Variants in XDH observed in about 807,000 individuals in gnomAD.
XDH encodes xanthine dehydrogenase, also known as xanthine dehydrogenase/oxidase.
In XDH, 138 loss-of-function variants were observed where a neutral mutation model predicts 156.1. That is an observed-to-expected ratio of 0.88 (90% CI 0.77 to 1.02). The LOEUF is 1.02. Among genes scored for constraint, XDH ranks in the 50% least tolerant of loss-of-function variants. XDH has a pLI of 0.00. For synonymous variants in XDH, 669 were observed against 625.7 expected (o/e 1.07, Z -1.03); for missense variants, 1,849 against 1,684.9 (o/e 1.10, Z -1.71).
At chr2:31,404,192 G>C (rs549993296) in intron 2 of XDH, among the ~76,000 whole-genome samples, 3 of 152,122 alleles carry the variant, frequency 2.0e-5, no homozygotes, top group African/African-American at 7.2e-5. Flanking sequence ...CTCCAGACTG[G>C]GTGAGCTCCC....
At chr2:31,364,524 C>T (rs1336024134) in intron 23 of XDH, among the ~76,000 whole-genome samples, 3 of 151,772 alleles carry the variant, frequency 2.0e-5, no homozygotes, top group Admixed American at 6.6e-5. Context: ...CTTCTGGTCT[C>T]GGAGGGGAGT....
chr2:31,372,164 T>C lies in XDH; in HGVS notation c.1856+64A>G, dbSNP rs1305518611. 5 of 1,612,164 alleles carry C rather than the reference T, an allele frequency of 3.1e-6. No individual in the cohort carries two copies. The South Asian group carries it at 3.3e-5, about 11-fold the overall frequency. On this transcript the variant is annotated intron_variant, in intron 17 of 35. Transcript: ENST00000379416. The stretch of plus-strand genomic sequence containing the variant: ...ATGGCCTAGCAGGGTGAGAGAAGTC[T>C]CCTGGGTACTCCCAGTGGCCCCCTC...
intron 24 of XDH, among the ~76,000 whole-genome samples, chr2:31,358,970 C>T (rs750812712): frequency 6.6e-6 from 1 of 151,952 alleles, no homozygotes; most frequent in Non-Finnish European, 1.5e-5. Context: ...AAAAACCATC[C>T]CTATTTGCAG....
chr2:31,401,336 C>G lies in XDH; in HGVS notation c.198-8G>C. Reference sequence around the variant, plus strand: ...GCATTGGCAGAAAAGTGGCTAGAACCCCAGATTAAGGTCATTCCATTTATT... The same window carrying G: ...GCATTGGCAGAAAAGTGGCTAGAACGCCAGATTAAGGTCATTCCATTTATT... On this transcript the variant is annotated splice_polypyrimidine_tract_variant and splice_region_variant and intron_variant, in intron 3 of 35. Coordinates refer to ENST00000379416, the MANE Select transcript of XDH (RefSeq NM_000379.4). The G allele has an allele frequency of 6.2e-7, 1 of 1,613,930 alleles. No individual in the cohort carries two copies. Among genetic ancestry groups the G allele is most frequent in the South Asian group, 1.1e-5 (1 of 91,024 alleles).
At chr2:31,401,970 C>T (rs494852) in intron 3 of XDH, among the ~76,000 whole-genome samples, 31,004 of 152,132 alleles carry the variant, frequency 0.2, 3,519 homozygotes, top group African/African-American at 0.28. Flanking sequence ...TGCCCTTCAA[C>T]AGACTGCAGT....
intron 13 of XDH, among the ~76,000 whole-genome samples, chr2:31,377,970 G>A (rs555553110): frequency 2.1e-4 from 31 of 150,892 alleles, no homozygotes; most frequent in Middle Eastern, 3.4e-3. Context: ...ACACTGAGCC[G>A]TGATCATGCC....
At chr2:31,355,151 GAACTGTT>G (rs1558682778) in intron 24 of XDH, among the ~76,000 whole-genome samples, 1 of 152,122 alleles carries the variant, frequency 6.6e-6, no homozygotes, top group African/African-American at 2.4e-5. Flanking sequence ...TGAAAGAAAC[GAACTGTT>G]AACTCAAAAC....
intron 4 of XDH, 34 bp downstream of exon 4, chr2:31,401,186 A>T: frequency 6.2e-7 from 1 of 1,611,080 alleles, no homozygotes; most frequent in South Asian, 1.1e-5. Context: ...AAAGAGCCTG[A>T]TCTCAAGAGC....
rs1018749652 is a variant in XDH at position 31,334,477 on chromosome 2, A to C, written c.*1481T>G. The C allele has an allele frequency of 6.6e-6, 1 of 152,132 alleles. No individual in the cohort carries two copies. The highest frequency in any genetic ancestry group is 1.5e-5 in the Non-Finnish European group (1 of 68,010). 9.4% of individuals were successfully genotyped at this position (152,132 alleles called of 1,614,324 possible). A position where few individuals can be genotyped will look rare whatever the true frequency, so the allele number is the denominator to read the frequency against. On this transcript the variant is annotated 3_prime_UTR_variant, in exon 36 of 36. Transcript: ENST00000379416. ...GACAGTGACACATTGTCCACCCAGC[A>C]CCATGTAGGGATTAAATCACCATTT...
intron 18 of XDH, 65 bp downstream of exon 18, chr2:31,370,290 A>C: frequency 6.4e-7 from 1 of 1,573,140 alleles, no homozygotes; most frequent in Non-Finnish European, 8.7e-7. Flanking sequence ...GTTTGGAGCA[A>C]TGTACACAAA....
intron 24 of XDH, among the ~76,000 whole-genome samples, chr2:31,350,601 C>G (rs1685446981): frequency 1.3e-5 from 2 of 152,032 alleles, no homozygotes; most frequent in Non-Finnish European, 2.9e-5. Context: ...GTCTCGATCT[C>G]CTGACCTCGT....
At chr2:31,338,474 A>T (rs1308193254) in intron 34 of XDH, among the ~76,000 whole-genome samples, 1 of 152,136 alleles carries the variant, frequency 6.6e-6, no homozygotes, top group Non-Finnish European at 1.5e-5. Flanking sequence ...ATTCCCAAGC[A>T]TGGTAAAGTA....
chr2:31,350,034 C>T lies in XDH; in HGVS notation c.2821G>A (p.Glu941Lys). The change falls in exon 25 of 36, where the codon GAG (glutamate) becomes AAG (lysine). Residue 941 changes from glutamate (E) to lysine (K), a missense_variant and splice_region_variant. Glu to Lys is a moderately conservative substitution (Grantham distance 56). Transcript: ENST00000379416. ...VAVTCGMPAE[E>K]VRRKNLYKEG... Reference sequence around the variant, plus strand: ...GTGCTACCAAATTCTCAGCTTACCTCCTCTGCAGGCATCCCACAGGTCACT... The same window carrying T: ...GTGCTACCAAATTCTCAGCTTACCTTCTCTGCAGGCATCCCACAGGTCACT... 2.5e-6 allele frequency: 4 copies of T among 1,614,024 alleles called. No homozygotes were observed. The highest frequency in any genetic ancestry group is 2.2e-5 in the East Asian group (1 of 44,888).
rs539411387 is a variant in XDH at position 31,394,761 on chromosome 2, A to C, written c.495+2907T>G. 4.9e-4 allele frequency among the ~76,000 whole-genome samples: 74 copies of C among 151,696 alleles called. 1 individual carries two copies. Among genetic ancestry groups the C allele is most frequent in the Non-Finnish European group, 5.9e-5 (4 of 67,922 alleles). ...CCTTTTCTCTGTTTTTTGGTTTTGAAAGTTTGCATTGTCATATCCTCAAGC... is the reference window on the plus strand; with the variant it reads ...CCTTTTCTCTGTTTTTTGGTTTTGACAGTTTGCATTGTCATATCCTCAAGC... On this transcript the variant is annotated intron_variant, in intron 6 of 35. Transcript: ENST00000379416.
At chr2:31,405,419 CCT>C (rs145020768) in intron 2 of XDH, among the ~76,000 whole-genome samples, 17 of 152,260 alleles carry the variant, frequency 1.1e-4, no homozygotes, top group African/African-American at 3.6e-4. Flanking sequence ...TCCAGGGCTC[CCT>C]GTTTGCTGTT....
At chr2:31,357,316 T>C (rs1325388580) in intron 24 of XDH, among the ~76,000 whole-genome samples, 1 of 151,904 alleles carries the variant, frequency 6.6e-6, no homozygotes, top group Non-Finnish European at 1.5e-5. Flanking sequence ...CCCGGGTCTT[T>C]AAAAAGAGCA....
chr2:31,365,541 G>T lies in XDH; in HGVS notation c.2460C>A (p.Thr820=). The part of the protein sequence containing the change: ...STAVALAAYK[T]GRPVRCMLDR... ...CCAGCATGCATCGCACAGGGCGGCC[G>T]GTCCTGGGGGTTACCGACAGTGTTA... The change falls in exon 23 of 36, where the codon ACC becomes ACA. Residue 820 remains threonine, a synonymous_variant. Transcript: ENST00000379416. 2 of 1,614,126 alleles carry T rather than the reference G, an allele frequency of 1.2e-6. No individual in the cohort carries two copies. The highest frequency in any genetic ancestry group is 1.7e-6 in the Non-Finnish European group (2 of 1,180,010).
chr2:31,403,214 G>A, intron 2 of XDH, 70 bp from the exon 3 acceptor site: 1 of 1,548,020 alleles, frequency 6.5e-7, no homozygotes, highest in Non-Finnish European at 8.9e-7. Flanking sequence ...GAAATGCCTG[G>A]GCAGAGCTGT....
rs752499988 is a variant in XDH at position 31,339,618 on chromosome 2, G to A, written c.3645C>T (p.Ser1215=). ...GLFTLEELHY[S]PEGSLHTRGP... The stretch of plus-strand genomic sequence containing the variant: ...CACGGGTGTGCAGGCTCCCCTCGGG[G>A]GAATAGTGTAGCTCCTCTAGGGTGA... The change falls in exon 34 of 36, where the codon TCC becomes TCT. Residue 1215 remains serine (S), a synonymous_variant. Transcript: ENST00000379416. 1.2e-6 allele frequency: 2 copies of A among 1,614,076 alleles called. No homozygotes were observed. The highest frequency in any genetic ancestry group is 8.5e-7 in the Non-Finnish European group (1 of 1,179,956).
Sources: allele counts gnomAD v4.1 joint callset (sites outside exome capture counted in the v4.1 genomes callset), GRCh38; gene constraint gnomAD v4.1.1; transcripts MANE v1.5; gene names NCBI Gene and HGNC (gene_info 2026-07-23, HGNC 2026-07-21).